AUTS2: variants seen among roughly 807,000 people sequenced by gnomAD.
AUTS2 encodes the protein autism susceptibility gene 2 protein.
Under a neutral mutation model 112.4 loss-of-function variants are expected in AUTS2, and 17 were observed. The observed-to-expected ratio is 0.15, with a 90% CI of 0.10 to 0.23. The LOEUF is 0.23. AUTS2 is among the 10% of genes least tolerant of loss of function. The probability of loss-of-function intolerance (pLI) is 1.00; values close to 1 mark genes in which losing one functional copy is unlikely to be tolerated. For synonymous variants in AUTS2, 751 were observed against 702.7 expected, an observed-to-expected ratio of 1.07 and a Z score of -1.09; for missense variants, 1,510 against 1,701.6, an observed-to-expected ratio of 0.89 and a Z score of 1.98.
intron 1 of AUTS2, among the ~76,000 whole-genome samples, chr7:69,854,891 A>G (rs1399219142): frequency 1.3e-5 from 2 of 152,228 alleles, no homozygotes; most frequent in South Asian, 4.1e-4. Flanking sequence ...CTCATTTTCT[A>G]TTTCTAGAGT....
At chr7:70,657,934 T>C (rs1264633799) in intron 5 of AUTS2, among the ~76,000 whole-genome samples, 2 of 152,182 alleles carry the variant, frequency 1.3e-5, no homozygotes, top group African/African-American at 4.8e-5. Flanking sequence ...TTTCCCAATC[T>C]ATGGCACATC....
intron 2 of AUTS2, among the ~76,000 whole-genome samples, 198 bp downstream of exon 2, chr7:69,899,696 C>T (rs1206121763): frequency 2.0e-5 from 3 of 152,238 alleles, no homozygotes; most frequent in African/African-American, 7.2e-5. Flanking sequence ...TTTGAAACTT[C>T]AGCATGGTGC....
intron 5 of AUTS2, among the ~76,000 whole-genome samples, chr7:70,606,495 ACATGAAGCTT>A (rs1406091219): frequency 2.0e-5 from 3 of 152,176 alleles, no homozygotes; most frequent in Admixed American, 6.5e-5. Context: ...AAAAAAGTAG[ACATGAAGCTT>A]CATGAAGCTT....
chr7:69,625,583 G>A (rs1793907063), intron 1 of AUTS2, among the ~76,000 whole-genome samples: 1 of 152,258 alleles, frequency 6.6e-6, no homozygotes, highest in Non-Finnish European at 1.5e-5. Context: ...TTTGGGCTGC[G>A]CACGGTGGCT....
chr7:70,647,441 T>G (rs1408889165), intron 5 of AUTS2, among the ~76,000 whole-genome samples: 1 of 152,224 alleles, frequency 6.6e-6, no homozygotes, highest in Non-Finnish European at 1.5e-5. Context: ...TGAGTCCCTG[T>G]GAGGAGTGGT....
intron 1 of AUTS2, among the ~76,000 whole-genome samples, chr7:69,667,055 A>G (rs1259868840): frequency 6.6e-6 from 1 of 152,202 alleles, no homozygotes; most frequent in African/African-American, 2.4e-5. Context: ...TTGAGGGGCC[A>G]CATCTGGTGA....
chr7:70,638,953 C>G (rs1269782238), intron 5 of AUTS2, among the ~76,000 whole-genome samples: 1 of 152,152 alleles, frequency 6.6e-6, no homozygotes, highest in African/African-American at 2.4e-5. Flanking sequence ...ACTTTTAGTA[C>G]AGAAGAGAGG....
intron 5 of AUTS2, among the ~76,000 whole-genome samples, chr7:70,473,177 G>A (rs944237671): frequency 3.3e-5 from 5 of 152,208 alleles, no homozygotes; most frequent in Admixed American, 6.5e-5. Flanking sequence ...TTCACAGCTT[G>A]TGTGAAATGC....
intron 1 of AUTS2, among the ~76,000 whole-genome samples, chr7:69,744,771 A>T (rs540595640): frequency 3.0e-4 from 45 of 152,326 alleles, no homozygotes; most frequent in African/African-American, 1.1e-3. Context: ...TGAAGGCTGC[A>T]GTGAGCTATA....
chr7:70,595,210 A>T (rs918384750), intron 5 of AUTS2, among the ~76,000 whole-genome samples: 1 of 152,092 alleles, frequency 6.6e-6, no homozygotes, highest in African/African-American at 2.4e-5. Context: ...TGTCATCCTC[A>T]GCCACTGGTT....
intron 1 of AUTS2, among the ~76,000 whole-genome samples, chr7:69,863,321 A>T (rs1793075998): frequency 6.6e-6 from 1 of 152,230 alleles, no homozygotes; most frequent in South Asian, 2.1e-4. Context: ...TTATGTAAGT[A>T]ATGTACAGAT....
At position 70,766,560 on chromosome 7, in the gene AUTS2, C is replaced by A. The variant is rs1047015885; in HGVS notation, c.1689+226C>A. ...AGGCAGTTGTATCCAGCACTGCGGG[C>A]GGAAATGATTCCATCTGCCCTCAAA... On this transcript the variant is annotated intron_variant, in intron 9 of 18. Coordinates refer to ENST00000342771, the MANE Select transcript of AUTS2 (RefSeq NM_015570.4). The surrounding 1 kb of genome is among the most constrained non-coding windows in gnomAD (Gnocchi z 4.8). Among the ~76,000 whole-genome samples, 2 of 152,160 alleles carry A rather than the reference C, an allele frequency of 1.3e-5. No individual in the cohort carries two copies. Among genetic ancestry groups the A allele is most frequent in the Non-Finnish European group, 2.9e-5 (2 of 68,034 alleles).
intron 1 of AUTS2, among the ~76,000 whole-genome samples, chr7:69,855,389 A>G (rs1442521364): frequency 1.3e-5 from 2 of 152,214 alleles, no homozygotes; most frequent in East Asian, 1.9e-4. Flanking sequence ...TTTTATAGAC[A>G]AGAAACCTGA....
rs140592194 is a variant in AUTS2, at chr7:69,969,015, A to G, written c.522+69517A>G. Among the ~76,000 whole-genome samples the G allele has an allele frequency of 1.9e-3, 287 of 152,268 alleles. 1 individual carries two copies. The highest frequency in any genetic ancestry group is 2.6e-3 in the Non-Finnish European group (175 of 68,008). On this transcript the variant is annotated intron_variant, in intron 2 of 18. Transcript: ENST00000342771. ...AGCTATTATAAGTAAAATATTATCTATTCATGCACAGGATTGGGAAAGATT... is the reference window on the plus strand; with the variant it reads ...AGCTATTATAAGTAAAATATTATCTGTTCATGCACAGGATTGGGAAAGATT...
chr7:70,003,539 A>G (rs1350570669), intron 2 of AUTS2, among the ~76,000 whole-genome samples: 3 of 125,528 alleles, frequency 2.4e-5, no homozygotes, highest in Admixed American at 1.8e-4. Flanking sequence ...AATATGTTAT[A>G]TATGTATATA....
chr7:69,677,042 G>A (rs1240697940), intron 1 of AUTS2, among the ~76,000 whole-genome samples: 1 of 152,122 alleles, frequency 6.6e-6, no homozygotes, highest in East Asian at 1.9e-4. Context: ...TTTCTGAAGA[G>A]AGATAGAAAA....
chr7:70,735,494 C>G (rs1343025628), intron 6 of AUTS2, among the ~76,000 whole-genome samples: 2 of 152,114 alleles, frequency 1.3e-5, no homozygotes, highest in African/African-American at 2.4e-5. Flanking sequence ...TGCGGATGTT[C>G]CGAAGAATGC....
chr7:70,100,598 G>A (rs59462226), intron 2 of AUTS2, among the ~76,000 whole-genome samples: 7,057 of 150,732 alleles, frequency 0.047, 264 homozygotes, highest in East Asian at 0.12. Flanking sequence ...CCCACAATAG[G>A]CCCTGGTGTG....
At chr7:69,666,792 G>A (rs961505576) in intron 1 of AUTS2, among the ~76,000 whole-genome samples, 1 of 151,998 alleles carries the variant, frequency 6.6e-6, no homozygotes, top group African/African-American at 2.4e-5. Context: ...GTCATAGCTA[G>A]TCGGGAGGCT....
Sources: gnomAD v4.1 joint callset for allele counts (sites outside exome capture counted in the v4.1 genomes callset) on GRCh38, gnomAD v4.1.1 for gene constraint, Gnocchi (gnomAD v3.1) non-coding constraint, MANE v1.5 for transcripts, NCBI Gene and HGNC (gene_info 2026-07-23, HGNC 2026-07-21) for gene names.